ERBB4: variants seen among roughly 807,000 people sequenced by gnomAD.
ERBB4 encodes receptor tyrosine-protein kinase erbB-4.
A neutral mutation model predicts 158.0 loss-of-function variants in ERBB4; 42 were observed. The observed-to-expected ratio is 0.27, with a 90% confidence interval of 0.21 to 0.34. ERBB4 has a LOEUF of 0.34. Among genes scored for constraint, ERBB4 ranks in the 10% least tolerant of loss-of-function variants. The pLI, the probability that ERBB4 is intolerant of heterozygous loss-of-function variation, is 1.00. For missense variants in ERBB4, 1,333 were observed against 1,624.1 expected (o/e 0.82, Z 3.08); for synonymous variants, 583 against 558.7 (o/e 1.04, Z -0.61).
At chr2:211,863,431 C>T (rs987067441) in intron 3 of ERBB4, among the ~76,000 whole-genome samples, 1 of 152,230 alleles carries the variant, frequency 6.6e-6, no homozygotes, top group East Asian at 1.9e-4. Context: ...CTGCTCTTCA[C>T]AATAAATCTT....
intron 1 of ERBB4, among the ~76,000 whole-genome samples, chr2:212,391,708 A>ATATGACATATATATTG (rs1560194703): frequency 7.6e-6 from 1 of 131,142 alleles, no homozygotes; most frequent in African/African-American, 3.1e-5. Context: ...TATATTATAT[A>ATATGACATATATATTG]TATTGACATA....
intron 1 of ERBB4, among the ~76,000 whole-genome samples, chr2:212,496,133 T>A (rs1690554383): frequency 1.3e-5 from 2 of 152,070 alleles, no homozygotes; most frequent in South Asian, 4.1e-4. Flanking sequence ...CTTAGAGAAA[T>A]CTTTATAATT....
At chr2:212,343,877 T>G (rs1289629301) in intron 1 of ERBB4, among the ~76,000 whole-genome samples, 1 of 152,180 alleles carries the variant, frequency 6.6e-6, no homozygotes, top group Non-Finnish European at 1.5e-5. Context: ...AGCCTCATAC[T>G]GTTTTTCATA....
At chr2:211,984,124 C>T (rs1312557304) in intron 2 of ERBB4, among the ~76,000 whole-genome samples, 1 of 152,126 alleles carries the variant, frequency 6.6e-6, no homozygotes, top group Non-Finnish European at 1.5e-5. Context: ...TGAGGGCTTG[C>T]TTTCTTCATC....
chr2:211,715,298 A>G (rs546119731), intron 7 of ERBB4, among the ~76,000 whole-genome samples: 5 of 152,278 alleles, frequency 3.3e-5, no homozygotes, highest in African/African-American at 9.6e-5. Context: ...TCCACATGAA[A>G]GCATCCACCA....
chr2:211,750,613 G>A, intron 5 of ERBB4, 26 bp downstream of exon 5: 1 of 1,599,696 alleles, frequency 6.3e-7, no homozygotes, highest in South Asian at 1.1e-5. Context: ...CATCAAACCT[G>A]TGTGCTCTCA....
At chr2:211,574,031 T>C (rs1412522140) in intron 19 of ERBB4, among the ~76,000 whole-genome samples, 3 of 152,224 alleles carry the variant, frequency 2.0e-5, no homozygotes, top group Non-Finnish European at 2.9e-5. Context: ...AAAGAGCTTA[T>C]CACAGTGCCT....
intron 1 of ERBB4, among the ~76,000 whole-genome samples, chr2:212,493,445 T>C (rs1243011276): frequency 6.6e-6 from 1 of 151,538 alleles, no homozygotes; most frequent in African/African-American, 2.4e-5. Context: ...TATTATGATA[T>C]GGTAAATATT....
intron 20 of ERBB4, among the ~76,000 whole-genome samples, chr2:211,548,148 C>T (rs1322096858): frequency 1.3e-5 from 2 of 151,936 alleles, no homozygotes; most frequent in East Asian, 3.9e-4. Flanking sequence ...CCCTTACTAC[C>T]CTTTAAATAT....
In ERBB4 at chr2:211,712,112, G is replaced by C. The variant is rs2073723228; in HGVS notation, c.1062C>G (p.Asp354Glu). The change falls in exon 9 of 28, where the codon GAC (aspartate) becomes GAG (glutamate). Residue 354 changes from aspartate to glutamate, a missense_variant. Transcript: ENST00000342788. ...SAQTVDSSNI[D>E]KFINCTKING... ...TGATCTTGGTACAGTTTATGAATTT[G>C]TCAATGTTACTGGAATCCACAGTCT... The C allele has an allele frequency of 6.2e-7, 1 of 1,611,884 alleles. No individual in the cohort carries two copies. The highest frequency in any genetic ancestry group is 1.1e-5 in the South Asian group (1 of 91,034).
At chr2:211,718,726 C>T (rs993426664) in intron 7 of ERBB4, among the ~76,000 whole-genome samples, 5 of 147,382 alleles carry the variant, frequency 3.4e-5, no homozygotes, top group Non-Finnish European at 6.0e-5. Context: ...ATATATAAAA[C>T]TAAAAAAAAA....
intron 1 of ERBB4, among the ~76,000 whole-genome samples, chr2:212,501,752 C>T (rs1199743675): frequency 6.6e-6 from 1 of 152,046 alleles, no homozygotes; most frequent in African/African-American, 2.4e-5. Flanking sequence ...CTGACATAAA[C>T]TTTAGTGTAC....
At chr2:212,168,269 A>G (rs149851615) in intron 1 of ERBB4, among the ~76,000 whole-genome samples, 147 of 152,220 alleles carry the variant, frequency 9.7e-4, no homozygotes, top group African/African-American at 3.3e-3. Flanking sequence ...TGATTTTTTC[A>G]AGAGTAAAGG....
chr2:212,431,867 C>T (rs2092037561), intron 1 of ERBB4, among the ~76,000 whole-genome samples: 1 of 152,150 alleles, frequency 6.6e-6, no homozygotes, highest in Non-Finnish European at 1.5e-5. Flanking sequence ...CATGGGGCAC[C>T]CTACGTGAAA....
At chr2:212,417,104 A>G (rs2091673515) in intron 1 of ERBB4, among the ~76,000 whole-genome samples, 1 of 152,078 alleles carries the variant, frequency 6.6e-6, no homozygotes, top group Non-Finnish European at 1.5e-5. Context: ...GATGGGTTTT[A>G]TCTTCCTAAG....
intron 20 of ERBB4, among the ~76,000 whole-genome samples, chr2:211,445,019 T>C (rs962540193): frequency 6.6e-6 from 1 of 152,092 alleles, no homozygotes; most frequent in Non-Finnish European, 1.5e-5. Flanking sequence ...GTAAAAAGGA[T>C]AGAGTTCTAA....
At chr2:211,654,323 T>C (rs918750263) in intron 16 of ERBB4, among the ~76,000 whole-genome samples, 2 of 152,338 alleles carry the variant, frequency 1.3e-5, no homozygotes, top group African/African-American at 4.8e-5. Context: ...GACAAGTCAA[T>C]GCAAGTGAAG....
At chr2:211,475,876 T>C (rs563905861) in intron 20 of ERBB4, among the ~76,000 whole-genome samples, 44 of 152,268 alleles carry the variant, frequency 2.9e-4, no homozygotes, top group African/African-American at 1.0e-3. Flanking sequence ...GTATAAGTTG[T>C]TGAATACCGC....
chr2:212,485,226 T>G (rs1689909650), intron 1 of ERBB4, among the ~76,000 whole-genome samples: 1 of 152,196 alleles, frequency 6.6e-6, no homozygotes. Flanking sequence ...TCAATTCTAT[T>G]AGCTCCACAT....
Sources: allele counts gnomAD v4.1 joint callset (sites outside exome capture counted in the v4.1 genomes callset), GRCh38; gene constraint gnomAD v4.1.1; transcripts MANE v1.5; gene names NCBI Gene and HGNC (gene_info 2026-07-23, HGNC 2026-07-21).